The following TNIK variants were observed in gnomAD, a reference collection of about 807,000 sequenced individuals.
TNIK encodes TRAF2 and NCK-interacting protein kinase.
In TNIK, 49 loss-of-function variants were observed where a neutral mutation model predicts 191.3. The ratio of observed to expected loss-of-function variants is 0.26; its 90% CI spans 0.20 to 0.32. TNIK has a LOEUF of 0.32. Among genes scored for constraint, TNIK ranks in the 10% least tolerant of loss-of-function variants. The pLI is 1.00. For synonymous variants in TNIK, 594 were observed against 600.9 expected (o/e 0.99, Z 0.17); for missense variants, 1,155 against 1,702.3 (o/e 0.68, Z 5.66).
chr3:171,393,640 C>A (rs966354256), intron 1 of TNIK, among the ~76,000 whole-genome samples: 5 of 152,216 alleles, frequency 3.3e-5, no homozygotes, highest in African/African-American at 4.8e-5. Flanking sequence ...ATTTCTCAAA[C>A]CTTTTTTCTC....
At chr3:171,121,584 C>T (rs146671453) in intron 18 of TNIK, among the ~76,000 whole-genome samples, 1 of 152,348 alleles carries the variant, frequency 6.6e-6, no homozygotes, top group Non-Finnish European at 1.5e-5. Flanking sequence ...TGCAACTGCA[C>T]GAGTGAGCCC....
chr3:171,306,260 G>C (rs1194413934), intron 2 of TNIK, among the ~76,000 whole-genome samples: 1 of 152,000 alleles, frequency 6.6e-6, no homozygotes, highest in Non-Finnish European at 1.5e-5. Context: ...AAATCTGTCA[G>C]GTACTATGCT....
chr3:171,065,724 T>C (rs1408411999), intron 32 of TNIK, among the ~76,000 whole-genome samples: 5 of 152,040 alleles, frequency 3.3e-5, no homozygotes, highest in African/African-American at 4.8e-5. Flanking sequence ...GTGCATTCCT[T>C]AAGGAATGGG....
At chr3:171,106,114 C>T (rs1040967879) in intron 21 of TNIK, among the ~76,000 whole-genome samples, 5 of 152,188 alleles carry the variant, frequency 3.3e-5, no homozygotes, top group Non-Finnish European at 7.3e-5. Context: ...AAAAGTGAGG[C>T]TCTTCGGTGA....
At chr3:171,285,414 A>G (rs1236061840) in intron 2 of TNIK, among the ~76,000 whole-genome samples, 3 of 152,228 alleles carry the variant, frequency 2.0e-5, no homozygotes, top group African/African-American at 7.2e-5. Context: ...ATGAGAAAGT[A>G]AAAGTGTAGA....
At chr3:171,234,633 A>G (rs1049867453) in intron 2 of TNIK, among the ~76,000 whole-genome samples, 1 of 152,204 alleles carries the variant, frequency 6.6e-6, no homozygotes, top group African/African-American at 2.4e-5. Flanking sequence ...CTTTGTTAGA[A>G]ACTAGGATTC....
chr3:171,440,911 C>T (rs1013112467), intron 1 of TNIK, among the ~76,000 whole-genome samples: 2 of 152,164 alleles, frequency 1.3e-5, no homozygotes, highest in African/African-American at 2.4e-5. Flanking sequence ...CTCTCCCAGT[C>T]CTGGCCCCAA....
intron 15 of TNIK, 28 bp from the exon 16 acceptor site, chr3:171,128,906 A>AAAAAAAAAC: frequency 6.6e-7 from 1 of 1,505,964 alleles, no homozygotes; most frequent in Non-Finnish European, 8.8e-7. Flanking sequence ...AAAAAAAAAA[A>AAAAAAAAAC]AGACAGCCTC....
chr3:171,281,690 TCACA>T (rs1234980081), intron 2 of TNIK, among the ~76,000 whole-genome samples: 1 of 152,198 alleles, frequency 6.6e-6, no homozygotes, highest in African/African-American at 2.4e-5. Flanking sequence ...TTGCTCTCTC[TCACA>T]CAAATATACA....
Position 171,059,384 on chromosome 3 carries a change from A to AGGTC in TNIK, c.*4493_*4496dup, listed in dbSNP as rs2108283484. Among the ~76,000 whole-genome samples the AGGTC allele has an allele frequency of 6.6e-6, 1 of 152,284 alleles. No homozygotes were observed. Among genetic ancestry groups the AGGTC allele is most frequent in the East Asian group, 1.9e-4 (1 of 5,184 alleles). ...ATATTCTGGCACTTCCTGGAATGGC[A>AGGTC]GGTCTAGAAGAATAAAGTCCAAAGC... On this transcript the variant is annotated 3_prime_UTR_variant, in exon 33 of 33. Coordinates refer to ENST00000436636, the MANE Select transcript of TNIK (RefSeq NM_015028.4).
chr3:171,453,419 C>T lies in TNIK; in HGVS notation c.57+6588G>A, dbSNP rs761424143. On this transcript the variant is annotated intron_variant, in intron 1 of 32. Coordinates refer to ENST00000436636, the MANE Select transcript of TNIK (RefSeq NM_015028.4). Reference sequence around the variant, plus strand: ...AGAAAGGAGACTAAGACAGAGCGCCCCCTACAGAGCATCCATGGGGGAATG... The same window carrying T: ...AGAAAGGAGACTAAGACAGAGCGCCTCCTACAGAGCATCCATGGGGGAATG... 3.3e-5 allele frequency among the ~76,000 whole-genome samples: 5 copies of T among 152,048 alleles called. No individual in the cohort carries two copies. The South Asian group carries it at 1.0e-3, about 32-fold the overall frequency.
At position 171,101,650 on chromosome 3, in the gene TNIK, T is replaced by C; in HGVS notation, c.2407-17A>G. 5 of 1,611,404 alleles carry C rather than the reference T, an allele frequency of 3.1e-6. No homozygotes were observed. Among genetic ancestry groups the C allele is most frequent in the Non-Finnish European group, 3.4e-6 (4 of 1,178,924 alleles). ...CGTCAGATCCTATGAAAGAAAAATT[T>C]GTTCAGCATATGAGTGGTAGATACG... is the stretch of plus-strand genomic sequence containing the variant. On this transcript the variant is annotated splice_polypyrimidine_tract_variant and intron_variant, in intron 21 of 32. Coordinates refer to ENST00000436636, the MANE Select transcript of TNIK (RefSeq NM_015028.4).
chr3:171,236,810 T>TCC (rs1744323025), intron 2 of TNIK, among the ~76,000 whole-genome samples: 1 of 152,044 alleles, frequency 6.6e-6, no homozygotes, highest in Non-Finnish European at 1.5e-5. Context: ...TTACATCCTC[T>TCC]CCCCTGGCCC....
At chr3:171,156,401 A>G (rs1330892159) in intron 12 of TNIK, among the ~76,000 whole-genome samples, 1 of 152,222 alleles carries the variant, frequency 6.6e-6, no homozygotes, top group Non-Finnish European at 1.5e-5. Flanking sequence ...CTAAATCTTC[A>G]GTGGCCACCT....
chr3:171,397,389 T>C (rs1307488902), intron 1 of TNIK, among the ~76,000 whole-genome samples: 1 of 152,172 alleles, frequency 6.6e-6, no homozygotes, highest in Non-Finnish European at 1.5e-5. Flanking sequence ...CAGTAACGCC[T>C]CTGAATTTTA....
rs1717840136 is a variant in TNIK at position 171,061,604 on chromosome 3, A to T, written c.*2277T>A. The stretch of plus-strand genomic sequence containing the variant: ...TTCAAACTTATCACTTAGAAATAAA[A>T]ACAAAACAAAACATAAAAACAAAGA... On this transcript the variant is annotated 3_prime_UTR_variant, in exon 33 of 33. Transcript: ENST00000436636. 1 of 152,238 alleles carries T rather than the reference A, an allele frequency of 6.6e-6. No individual in the cohort carries two copies. Among genetic ancestry groups the T allele is most frequent in the Non-Finnish European group, 1.5e-5 (1 of 68,046 alleles). 9.4% of individuals were successfully genotyped at this position (152,238 alleles called of 1,614,324 possible). A position where few individuals can be genotyped will look rare whatever the true frequency, so the allele number is the denominator to read the frequency against.
intron 2 of TNIK, among the ~76,000 whole-genome samples, chr3:171,282,334 G>GGT (rs1553878294): frequency 7.0e-5 from 8 of 114,524 alleles, no homozygotes; most frequent in African/African-American, 2.8e-4. Context: ...TCTCTTAATG[G>GGT]TTTTTTGTTT....
chr3:171,303,224 T>C (rs1252641049), intron 2 of TNIK, among the ~76,000 whole-genome samples: 1 of 152,106 alleles, frequency 6.6e-6, no homozygotes, highest in Non-Finnish European at 1.5e-5. Flanking sequence ...CAGTTACTAC[T>C]AGGAAAAAAA....
intron 4 of TNIK, among the ~76,000 whole-genome samples, chr3:171,209,383 C>T (rs1740508857): frequency 6.6e-6 from 1 of 152,026 alleles, no homozygotes; most frequent in Non-Finnish European, 1.5e-5. Flanking sequence ...TGCTTCATCT[C>T]TGAAGGCTGC....
Sources: allele counts gnomAD v4.1 joint callset (sites outside exome capture counted in the v4.1 genomes callset), GRCh38; gene constraint gnomAD v4.1.1; transcripts MANE v1.5; gene names NCBI Gene and HGNC (gene_info 2026-07-23, HGNC 2026-07-21).